The following LHFPL3 variants were observed in gnomAD, a reference collection of about 807,000 sequenced individuals.
LHFPL3 encodes the protein LHFPL tetraspan subfamily member 3 protein.
A neutral mutation model predicts 19.3 loss-of-function variants in LHFPL3; 5 were observed. The ratio of observed to expected loss-of-function variants is 0.26; its 90% CI spans 0.14 to 0.54. LHFPL3 has a LOEUF of 0.54. Ranked by LOEUF, LHFPL3 falls within the 20% of genes least tolerant of loss-of-function variation. LHFPL3 has a pLI of 0.94. For synonymous variants in LHFPL3, 133 were observed against 126.2 expected, an observed-to-expected ratio of 1.05 and a Z score of -0.36; for missense variants, 249 against 307.4, an observed-to-expected ratio of 0.81 and a Z score of 1.42.
At chr7:104,837,082 T>C (rs1326861369) in intron 2 of LHFPL3, among the ~76,000 whole-genome samples, 1 of 152,204 alleles carries the variant, frequency 6.6e-6, no homozygotes, top group Non-Finnish European at 1.5e-5. Context: ...GAGATCTGGC[T>C]TCATATCTGC....
chr7:104,410,709 A>C (rs1396790843), intron 1 of LHFPL3, among the ~76,000 whole-genome samples: 2 of 152,254 alleles, frequency 1.3e-5, no homozygotes, highest in Admixed American at 1.3e-4. Flanking sequence ...GCAGTGAGGA[A>C]AATATGTGCA....
chr7:104,415,168 A>T (rs1408662293), intron 1 of LHFPL3, among the ~76,000 whole-genome samples: 1 of 152,206 alleles, frequency 6.6e-6, no homozygotes, highest in Non-Finnish European at 1.5e-5. Context: ...TATATCAAGG[A>T]CACCTACCTA....
At chr7:104,861,562 T>C (rs1262368520) in intron 2 of LHFPL3, among the ~76,000 whole-genome samples, 2 of 152,186 alleles carry the variant, frequency 1.3e-5, no homozygotes, top group African/African-American at 4.8e-5. Flanking sequence ...TGTTATCTAA[T>C]GCTGGAGAGA....
chr7:104,763,635 A>G (rs1343707231), intron 2 of LHFPL3, among the ~76,000 whole-genome samples: 3 of 152,170 alleles, frequency 2.0e-5, no homozygotes, highest in Non-Finnish European at 2.9e-5. Flanking sequence ...CTCAGTGGCT[A>G]CTTCTCAGCT....
intron 1 of LHFPL3, among the ~76,000 whole-genome samples, chr7:104,605,628 G>C (rs1356699705): frequency 6.6e-6 from 1 of 152,082 alleles, no homozygotes; most frequent in Non-Finnish European, 1.5e-5. Flanking sequence ...AAGCCATCTG[G>C]AAAGTTATAA....
chr7:104,678,878 A>G (rs114187315), intron 1 of LHFPL3, among the ~76,000 whole-genome samples: 4,735 of 152,270 alleles, frequency 0.031, 246 homozygotes, highest in African/African-American at 0.11. Flanking sequence ...GTTCACATTC[A>G]TCTAAGAAGG....
intron 1 of LHFPL3, among the ~76,000 whole-genome samples, chr7:104,450,274 T>C (rs1313837124): frequency 6.6e-6 from 1 of 152,186 alleles, no homozygotes; most frequent in Non-Finnish European, 1.5e-5. Context: ...TAAAAGACCC[T>C]TCTTACCTTC....
chr7:104,738,124 T>C, intron 2 of LHFPL3, among the ~76,000 whole-genome samples: 1 of 152,316 alleles, frequency 6.6e-6, no homozygotes, highest in East Asian at 1.9e-4. Flanking sequence ...GTTTTCTTAG[T>C]TCTATCAAAA....
intron 1 of LHFPL3, among the ~76,000 whole-genome samples, chr7:104,338,093 CTTTTTTTTTTTT>C (rs71296520): frequency 2.0e-4 from 17 of 85,850 alleles, no homozygotes; most frequent in Non-Finnish European, 2.5e-4. Flanking sequence ...TTTCCTTTTT[CTTTTTTTTTTTT>C]TTTTTTTTTT....
At chr7:104,772,598 G>A (rs1474423060) in intron 2 of LHFPL3, among the ~76,000 whole-genome samples, 1 of 152,212 alleles carries the variant, frequency 6.6e-6, no homozygotes, top group Non-Finnish European at 1.5e-5. Flanking sequence ...GCGCTAGACT[G>A]CACTGCTGCT....
At chr7:104,533,719 G>T (rs919167182) in intron 1 of LHFPL3, among the ~76,000 whole-genome samples, 2 of 152,170 alleles carry the variant, frequency 1.3e-5, no homozygotes, top group African/African-American at 2.4e-5. Context: ...TACTGCTCTT[G>T]TCCAACTGGT....
intron 1 of LHFPL3, among the ~76,000 whole-genome samples, chr7:104,365,242 T>G (rs1271811796): frequency 6.6e-6 from 1 of 152,012 alleles, no homozygotes; most frequent in Admixed American, 6.5e-5. Context: ...GAGGTTTCAG[T>G]GAGCCAAGAT....
chr7:104,532,523 C>A (rs1249365363), intron 1 of LHFPL3, among the ~76,000 whole-genome samples: 1 of 152,030 alleles, frequency 6.6e-6, no homozygotes, highest in Non-Finnish European at 1.5e-5. Flanking sequence ...AAAGCATGCA[C>A]ATAGACTTCT....
chr7:104,639,795 T>C (rs1045056673), intron 1 of LHFPL3, among the ~76,000 whole-genome samples: 2 of 152,234 alleles, frequency 1.3e-5, no homozygotes, highest in Non-Finnish European at 2.9e-5. Flanking sequence ...GGGTTGATAA[T>C]TTGAATTAAC....
rs144987635 is a variant in LHFPL3 at position 104,788,624 on chromosome 7, G to GA, written c.682+51713_682+51714insA. On this transcript the variant is annotated intron_variant, in intron 2 of 2. Transcript: ENST00000424859. ...AGCCAGTTGGTACCATGACTTTCTT[G>GA]TTTTTTTAATGAGAACAAAGCTGTC... is the stretch of plus-strand genomic sequence containing the variant. Among the ~76,000 whole-genome samples the GA allele has an allele frequency of 5.0e-3, 757 of 152,090 alleles. 23 individuals carry two copies. Among genetic ancestry groups the GA allele is most frequent in the East Asian group, 0.016 (84 of 5,178 alleles).
chr7:104,627,781 T>C (rs1255991078), intron 1 of LHFPL3, among the ~76,000 whole-genome samples: 1 of 152,158 alleles, frequency 6.6e-6, no homozygotes, highest in East Asian at 1.9e-4. Context: ...GCTGAGAATT[T>C]GAGATTAAAA....
Position 104,724,091 on chromosome 7 carries a change from T to C in LHFPL3, c.446-12584T>C, listed in dbSNP as rs137903735. Reference sequence around the variant, plus strand: ...TTGACTGAGGCATTAGCCTAGGATCTTGCAGGTACTTCTTAGGATTAGGAG... The same window carrying C: ...TTGACTGAGGCATTAGCCTAGGATCCTGCAGGTACTTCTTAGGATTAGGAG... On this transcript the variant is annotated intron_variant, in intron 1 of 2. Transcript: ENST00000424859. Among the ~76,000 whole-genome samples, 36 of 152,288 alleles carry C rather than the reference T, an allele frequency of 2.4e-4. 1 individual carries two copies. The East Asian group carries it at 6.5e-3, about 28-fold the overall frequency.
chr7:104,732,180 A>G (rs1214368737), intron 1 of LHFPL3, among the ~76,000 whole-genome samples: 1 of 152,142 alleles, frequency 6.6e-6, no homozygotes, highest in African/African-American at 2.4e-5. Flanking sequence ...TTGATCTAAA[A>G]TTCTCTTTTT....
At chr7:104,815,953 T>C (rs1790554044) in intron 2 of LHFPL3, among the ~76,000 whole-genome samples, 1 of 152,196 alleles carries the variant, frequency 6.6e-6, no homozygotes, top group Non-Finnish European at 1.5e-5. Context: ...TCATTCAGAA[T>C]GACAGACCAA....
Sources: allele counts gnomAD v4.1 joint callset (sites outside exome capture counted in the v4.1 genomes callset), GRCh38; gene constraint gnomAD v4.1.1; transcripts MANE v1.5; gene names NCBI Gene and HGNC (gene_info 2026-07-23, HGNC 2026-07-21).